Variants in CDH9 observed in about 807,000 individuals in gnomAD.
The protein encoded by CDH9 is cadherin-9.
In CDH9, 28 loss-of-function variants were observed where a neutral mutation model predicts 70.9. That is an observed-to-expected ratio of 0.40 (90% CI 0.29 to 0.54). The LOEUF (loss-of-function observed/expected upper bound fraction) is 0.54. CDH9 is among the 20% of genes least tolerant of loss of function. CDH9 has a pLI of 0.59. For synonymous variants in CDH9, 409 were observed against 343.1 expected (o/e 1.19, Z -2.12); for missense variants, 874 against 984.4 (o/e 0.89, Z 1.50).
At chr5:26,918,341 G>A (rs77741115) in intron 2 of CDH9, among the ~76,000 whole-genome samples, 4,327 of 152,164 alleles carry the variant, frequency 0.028, 86 homozygotes, top group East Asian at 0.11. Context: ...GGATGAGCCT[G>A]CTCTTGACTT....
rs200293226 is a variant in CDH9 at position 26,988,056 on chromosome 5, T to C, written c.228+50A>G. 1.9e-3 allele frequency: 2,566 copies of C among 1,356,008 alleles called. 9 individuals are homozygous for C. The highest frequency in any genetic ancestry group is 2.4e-3 in the Non-Finnish European group (2,340 of 976,568). 84.0% of individuals were successfully genotyped at this position (1,356,008 alleles called of 1,614,324 possible). A position where few individuals can be genotyped will look rare whatever the true frequency, so the allele number is the denominator to read the frequency against. On this transcript the variant is annotated intron_variant, in intron 2 of 11. Transcript: ENST00000231021. Reference sequence around the variant, plus strand: ...GAAAAGAAAAGTTGCTGGAAAAAAATAAATAGCTGTCACTTTCAGCTTTTA... The same window carrying C: ...GAAAAGAAAAGTTGCTGGAAAAAAACAAATAGCTGTCACTTTCAGCTTTTA...
chr5:26,909,434 GAT>G (rs1304439792), intron 3 of CDH9, among the ~76,000 whole-genome samples: 1 of 150,982 alleles, frequency 6.6e-6, no homozygotes, highest in Non-Finnish European at 1.5e-5. Flanking sequence ...TCATATTAAA[GAT>G]AAAAATATAG....
chr5:26,910,986 G>A (rs1741043294), intron 3 of CDH9, among the ~76,000 whole-genome samples: 1 of 152,142 alleles, frequency 6.6e-6, no homozygotes, highest in African/African-American at 2.4e-5. Flanking sequence ...TTAATTCGAT[G>A]TCCAGGAATT....
intron 1 of CDH9, among the ~76,000 whole-genome samples, chr5:27,022,943 T>G (rs1034542990): frequency 2.7e-5 from 4 of 149,216 alleles, no homozygotes; most frequent in African/African-American, 5.2e-5. Flanking sequence ...TTGTTCTTTT[T>G]TTTTTATTTT....
intron 2 of CDH9, among the ~76,000 whole-genome samples, chr5:26,926,093 G>A (rs1741332938): frequency 1.3e-5 from 2 of 152,178 alleles, no homozygotes; most frequent in African/African-American, 2.4e-5. Context: ...TCTAGTCAGG[G>A]CAATCAGGCA....
At chr5:27,020,307 T>C (rs1743115367) in intron 1 of CDH9, among the ~76,000 whole-genome samples, 1 of 151,702 alleles carries the variant, frequency 6.6e-6, no homozygotes. Context: ...AAAATATACC[T>C]CTGCATTTAT....
intron 1 of CDH9, among the ~76,000 whole-genome samples, chr5:26,989,066 T>C (rs1271339985): frequency 1.3e-5 from 2 of 152,086 alleles, no homozygotes; most frequent in East Asian, 1.9e-4. Context: ...TTTTACATGG[T>C]AATTAAGAAC....
At chr5:26,884,723 C>T (rs2111966087) in intron 11 of CDH9, among the ~76,000 whole-genome samples, 1 of 152,268 alleles carries the variant, frequency 6.6e-6, no homozygotes, top group Middle Eastern at 3.4e-3. Context: ...AGAAAAGGAG[C>T]TAGCACATAC....
At chr5:26,940,001 A>C (rs1001357899) in intron 2 of CDH9, among the ~76,000 whole-genome samples, 1 of 152,000 alleles carries the variant, frequency 6.6e-6, no homozygotes, top group Non-Finnish European at 1.5e-5. Context: ...ATAAAAATGC[A>C]AACAAAAATT....
intron 3 of CDH9, among the ~76,000 whole-genome samples, 172 bp from the exon 4 acceptor site, chr5:26,907,010 A>T (rs537275065): frequency 6.6e-6 from 1 of 152,308 alleles, no homozygotes; most frequent in East Asian, 1.9e-4. Context: ...CATTTTCTAT[A>T]AACTGAAGTG....
intron 1 of CDH9, among the ~76,000 whole-genome samples, chr5:27,027,831 T>A (rs561251463): frequency 2.6e-4 from 39 of 152,174 alleles, no homozygotes; most frequent in African/African-American, 8.9e-4. Context: ...ATCAGCCTAG[T>A]GCACTTTTGT....
chr5:26,931,182 T>C (rs1741456401), intron 2 of CDH9, among the ~76,000 whole-genome samples: 1 of 152,124 alleles, frequency 6.6e-6, no homozygotes, highest in Non-Finnish European at 1.5e-5. Context: ...TCTAGCATTC[T>C]GTCTGGACAA....
chr5:27,007,662 C>T (rs1462113368), intron 1 of CDH9, among the ~76,000 whole-genome samples: 1 of 151,954 alleles, frequency 6.6e-6, no homozygotes. Context: ...CTATGAAATA[C>T]TTTTTAAAAC....
chr5:26,965,391 C>T (rs1742111302), intron 2 of CDH9, among the ~76,000 whole-genome samples: 2 of 151,864 alleles, frequency 1.3e-5, no homozygotes, highest in African/African-American at 4.8e-5. Flanking sequence ...GCCTGGCCAA[C>T]ATAGTGAAAC....
intron 1 of CDH9, among the ~76,000 whole-genome samples, chr5:26,989,405 G>A (rs898227774): frequency 6.6e-6 from 1 of 152,030 alleles, no homozygotes; most frequent in Non-Finnish European, 1.5e-5. Context: ...CAAATTAAGT[G>A]TGGAAAAGAA....
intron 2 of CDH9, among the ~76,000 whole-genome samples, chr5:26,949,407 T>C (rs2112044999): frequency 6.6e-6 from 1 of 152,260 alleles, no homozygotes; most frequent in South Asian, 2.1e-4. Context: ...ATACAACAAA[T>C]GGAAAAGATA....
chr5:27,020,234 TG>T (rs1484615584), intron 1 of CDH9, among the ~76,000 whole-genome samples: 3 of 151,790 alleles, frequency 2.0e-5, no homozygotes, highest in Non-Finnish European at 4.4e-5. Flanking sequence ...TTATTTAAAA[TG>T]GTTGTTTGTT....
chr5:27,005,566 G>A (rs1018523494), intron 1 of CDH9, among the ~76,000 whole-genome samples: 2 of 152,098 alleles, frequency 1.3e-5, no homozygotes, highest in Non-Finnish European at 2.9e-5. Flanking sequence ...CACTGATGGT[G>A]GGGGTGTAAA....
intron 2 of CDH9, among the ~76,000 whole-genome samples, chr5:26,942,891 T>C: frequency 6.6e-6 from 1 of 152,302 alleles, no homozygotes; most frequent in South Asian, 2.1e-4. Context: ...TTTGTTTCTG[T>C]TTTGTTTTCA....
Sources: allele counts gnomAD v4.1 joint callset (sites outside exome capture counted in the v4.1 genomes callset), GRCh38; gene constraint gnomAD v4.1.1; transcripts MANE v1.5; gene names NCBI Gene and HGNC (gene_info 2026-07-23, HGNC 2026-07-21).